Variants in RANBP2 observed in about 807,000 individuals in gnomAD.
RANBP2 encodes the protein E3 SUMO-protein ligase RanBP2.
A neutral mutation model predicts 303.6 loss-of-function variants in RANBP2; 57 were observed. The observed-to-expected ratio is 0.19, with a 90% CI of 0.15 to 0.23. The LOEUF (loss-of-function observed/expected upper bound fraction) is 0.23. Among genes scored for constraint, RANBP2 ranks in the 10% least tolerant of loss-of-function variants. The probability of loss-of-function intolerance (pLI) is 1.00; values close to 1 mark genes in which losing one functional copy is unlikely to be tolerated. For synonymous variants in RANBP2, 1,167 were observed against 1,301.5 expected (o/e 0.90, Z 2.23); for missense variants, 3,138 against 3,780.8 (o/e 0.83, Z 4.46).
At chr2:109,435,649 A>G in the RANBP2 span, among the ~76,000 whole-genome samples, 1 of 152,252 alleles carries the variant, frequency 6.6e-6, no homozygotes, top group East Asian at 1.9e-4. Context: ...CCATGAGGGC[A>G]GAGGGAAAGG....
At chr2:109,312,158 A>G in the RANBP2 span, among the ~76,000 whole-genome samples, 3 of 152,098 alleles carry the variant, frequency 2.0e-5, no homozygotes, top group African/African-American at 7.2e-5. Flanking sequence ...TTATTTCAGA[A>G]CTCCAAATCT....
chr2:109,629,356 T>TATATATA, the RANBP2 span, among the ~76,000 whole-genome samples: 1 of 7,766 alleles, frequency 1.3e-4, no homozygotes, highest in African/African-American at 4.0e-4. Flanking sequence ...TATATATATA[T>TATATATA]TTTTTTTTTT....
the RANBP2 span, among the ~76,000 whole-genome samples, chr2:109,524,123 A>G: frequency 6.6e-6 from 1 of 152,142 alleles, no homozygotes; most frequent in African/African-American, 2.4e-5. Context: ...TCTGCACATC[A>G]TGCATAAGGT....
the RANBP2 span, among the ~76,000 whole-genome samples, chr2:109,027,810 C>G: frequency 1.3e-5 from 2 of 152,158 alleles, no homozygotes; most frequent in Non-Finnish European, 2.9e-5. Context: ...CCCCGCCATG[C>G]GTCTTCCTTC....
At chr2:109,260,199 C>T in the RANBP2 span, among the ~76,000 whole-genome samples, 1 of 152,132 alleles carries the variant, frequency 6.6e-6, no homozygotes, top group Non-Finnish European at 1.5e-5. Flanking sequence ...CTGCAGTGCA[C>T]TACTGATGGT....
the RANBP2 span, among the ~76,000 whole-genome samples, chr2:109,244,019 G>A: frequency 2.0e-5 from 3 of 152,212 alleles, no homozygotes; most frequent in Non-Finnish European, 4.4e-5. Context: ...GCCATCAGCA[G>A]TGATCATTAA....
At chr2:109,767,240 A>G in the RANBP2 span, among the ~76,000 whole-genome samples, 1 of 147,610 alleles carries the variant, frequency 6.8e-6, no homozygotes, top group Non-Finnish European at 1.5e-5. Flanking sequence ...ATAAGGTCAG[A>G]TTCAGCAGTC....
chr2:108,774,904 C>T (rs1376328285), intron 23 of RANBP2, among the ~76,000 whole-genome samples: 1 of 152,018 alleles, frequency 6.6e-6, no homozygotes, highest in Non-Finnish European at 1.5e-5. Context: ...GTTGGTAAGG[C>T]TGGTCTTGAA....
the RANBP2 span, among the ~76,000 whole-genome samples, chr2:108,824,744 A>G: frequency 4.5e-3 from 688 of 152,322 alleles, 4 homozygotes; most frequent in African/African-American, 0.016. Context: ...TTATACTTTT[A>G]TTCTACTGGC....
the RANBP2 span, among the ~76,000 whole-genome samples, chr2:109,717,695 A>G: frequency 4.6e-5 from 7 of 151,922 alleles, no homozygotes; most frequent in East Asian, 1.9e-4. Flanking sequence ...GGGTAGATCA[A>G]TTGAGGCCAG....
At chr2:109,090,331 C>A in the RANBP2 span, among the ~76,000 whole-genome samples, 1 of 142,990 alleles carries the variant, frequency 7.0e-6, no homozygotes, top group Non-Finnish European at 1.6e-5. Flanking sequence ...CACACACACA[C>A]ACACACACAC....
the RANBP2 span, among the ~76,000 whole-genome samples, chr2:108,816,890 C>T: frequency 6.6e-6 from 1 of 152,158 alleles, no homozygotes; most frequent in Non-Finnish European, 1.5e-5. Flanking sequence ...AGAGATCAGA[C>T]CTGGCTTCAT....
At chr2:109,623,458 C>A in the RANBP2 span, among the ~76,000 whole-genome samples, 1 of 152,186 alleles carries the variant, frequency 6.6e-6, no homozygotes, top group African/African-American at 2.4e-5. Context: ...GCTCTTCTTG[C>A]CAGCTGGCCT....
At chr2:109,252,987 A>T in the RANBP2 span, among the ~76,000 whole-genome samples, 1 of 151,972 alleles carries the variant, frequency 6.6e-6, no homozygotes, top group Non-Finnish European at 1.5e-5. Context: ...AAAATCCATC[A>T]GTTTAAATGT....
At chr2:109,430,822 C>T in the RANBP2 span, among the ~76,000 whole-genome samples, 3 of 152,112 alleles carry the variant, frequency 2.0e-5, no homozygotes, top group Admixed American at 6.5e-5. Context: ...GTCCTAATTT[C>T]ACTGTCAGTG....
At chr2:109,208,101 TCA>T in the RANBP2 span, among the ~76,000 whole-genome samples, 13,052 of 152,292 alleles carry the variant, frequency 0.086, 993 homozygotes, top group East Asian at 0.31. Context: ...TGCTGGGCCC[TCA>T]GACACACATG....
the RANBP2 span, among the ~76,000 whole-genome samples, chr2:109,361,560 G>T: frequency 6.6e-6 from 1 of 151,970 alleles, no homozygotes; most frequent in African/African-American, 2.4e-5. Flanking sequence ...TGCAACCTCC[G>T]CCTCCCTGGT....
chr2:108,847,005 TC>T, the RANBP2 span: 1 of 816,064 alleles, frequency 1.2e-6, no homozygotes. Context: ...AATTCTTTTA[TC>T]AAATATGTTG....
intron 1 of RANBP2, among the ~76,000 whole-genome samples, chr2:108,725,894 G>A (rs1408384693): frequency 1.3e-5 from 2 of 152,018 alleles, no homozygotes; most frequent in African/African-American, 4.8e-5. Context: ...ATTGAGCAAC[G>A]TTTTGTAATT....
Sources: gnomAD v4.1 joint callset for allele counts (sites outside exome capture counted in the v4.1 genomes callset) on GRCh38, gnomAD v4.1.1 for gene constraint, MANE v1.5 for transcripts, NCBI Gene and HGNC (gene_info 2026-07-23, HGNC 2026-07-21) for gene names.